IQSEC1: variants seen among roughly 807,000 people sequenced by gnomAD.
IQSEC1 encodes IQ motif and SEC7 domain-containing protein 1.
IQSEC1 carries 31 observed loss-of-function variants against 91.0 expected under a neutral mutation model. That is an observed-to-expected ratio of 0.34 (90% CI 0.26 to 0.46). IQSEC1 has a LOEUF of 0.46. Ranked by LOEUF, IQSEC1 falls within the 20% of genes least tolerant of loss-of-function variation. The pLI is 1.00. For missense variants in IQSEC1, 1,388 were observed against 1,575.6 expected (o/e 0.88, Z 2.02); for synonymous variants, 699 against 662.6 (o/e 1.05, Z -0.84).
At chr3:13,247,648 G>A (rs943092950) in intron 1 of IQSEC1, among the ~76,000 whole-genome samples, 2 of 152,312 alleles carry the variant, frequency 1.3e-5, no homozygotes, top group Admixed American at 6.5e-5. Flanking sequence ...ATCACTTACA[G>A]TCTCGATGCC....
At chr3:13,039,327 A>G (rs1013527082) in intron 1 of IQSEC1, among the ~76,000 whole-genome samples, 68 of 152,326 alleles carry the variant, frequency 4.5e-4, no homozygotes, top group African/African-American at 1.6e-3. Context: ...CTCCAGGATT[A>G]TTTTACATTA....
chr3:13,124,990 C>T (rs1358685266), intron 2 of IQSEC1, among the ~76,000 whole-genome samples: 1 of 152,178 alleles, frequency 6.6e-6, no homozygotes, highest in African/African-American at 2.4e-5. Flanking sequence ...TAAGGGATCT[C>T]CATCCTCCTT....
chr3:13,192,719 T>C (rs1694058246), intron 1 of IQSEC1, among the ~76,000 whole-genome samples: 1 of 152,242 alleles, frequency 6.6e-6, no homozygotes, highest in Non-Finnish European at 1.5e-5. Context: ...ACCCACTTTG[T>C]TATGGAGGCC....
intron 1 of IQSEC1, among the ~76,000 whole-genome samples, chr3:13,064,848 T>G (rs2125097045): frequency 6.6e-6 from 1 of 152,384 alleles, no homozygotes; most frequent in South Asian, 2.1e-4. Flanking sequence ...AGGCTGGCCC[T>G]GCTCCCACAT....
intron 2 of IQSEC1, among the ~76,000 whole-genome samples, chr3:13,119,923 G>A (rs1706396677): frequency 6.6e-6 from 1 of 152,198 alleles, no homozygotes; most frequent in African/African-American, 2.4e-5. Flanking sequence ...ACTCAGCCCT[G>A]GGCAATCTCT....
intron 1 of IQSEC1, among the ~76,000 whole-genome samples, chr3:13,220,663 C>T (rs1441825372): frequency 1.3e-5 from 2 of 152,256 alleles, no homozygotes; most frequent in Non-Finnish European, 2.9e-5. Context: ...TATGCATGGT[C>T]TCAGGAGTCA....
intron 2 of IQSEC1, among the ~76,000 whole-genome samples, chr3:13,154,033 G>A (rs1462968160): frequency 2.0e-5 from 3 of 152,092 alleles, no homozygotes; most frequent in South Asian, 2.1e-4. Context: ...GATGAAAATC[G>A]AGGACGGATT....
chr3:13,089,980 C>T (rs899732897), intron 2 of IQSEC1, among the ~76,000 whole-genome samples: 9 of 152,188 alleles, frequency 5.9e-5, no homozygotes, highest in Non-Finnish European at 1.0e-4. Context: ...CTTTGGGAGG[C>T]CAAGGCGGGT....
Position 12,920,530 on chromosome 3 carries a change from G to C in IQSEC1, c.1920C>G (p.Ile640Met). The C allele has an allele frequency of 6.2e-7, 1 of 1,614,210 alleles. No homozygotes were observed. Among genetic ancestry groups the C allele is most frequent in the Non-Finnish European group, 8.5e-7 (1 of 1,180,026 alleles). The change falls in exon 6 of 14, where the codon ATC becomes ATG. Residue 640 changes from isoleucine (I) to methionine (M), a missense_variant. Physicochemically the swap from Ile to Met is conservative, Grantham distance 10. Around this residue, in one of 2 missense-constraint regions of IQSEC1, gnomAD observed 1,059 missense variants for 1,317.8 expected, o/e 0.80. Transcript: ENST00000613206. ...TCAGCAGGATGATGGCGAAGGCCAG[G>C]ATGAAAATGGTGTCTGGGTTCCGGA... ...RQFRNPDTIF[I>M]LAFAIILLNT... is the part of the protein sequence containing the mutation.
intron 1 of IQSEC1, among the ~76,000 whole-genome samples, chr3:13,246,176 C>T (rs923103524): frequency 5.9e-5 from 9 of 152,204 alleles, no homozygotes; most frequent in Non-Finnish European, 1.3e-4. Context: ...ACTATTAGCC[C>T]TACAAAGGAA....
At chr3:13,142,429 A>G (rs1315041731) in intron 2 of IQSEC1, among the ~76,000 whole-genome samples, 5 of 152,178 alleles carry the variant, frequency 3.3e-5, no homozygotes, top group Non-Finnish European at 7.4e-5. Context: ...CTGAAACTCC[A>G]GACAGGTGAT....
intron 1 of IQSEC1, among the ~76,000 whole-genome samples, chr3:13,241,027 G>T (rs769388471): frequency 6.6e-6 from 1 of 152,190 alleles, no homozygotes; most frequent in Non-Finnish European, 1.5e-5. Context: ...CCCACCGTGT[G>T]ATCACGTCTC....
chr3:12,940,668 G>A lies in IQSEC1; in HGVS notation c.318+903C>T, dbSNP rs1411397966. 6.6e-6 allele frequency among the ~76,000 whole-genome samples: 1 copy of A among 152,112 alleles called. No individual in the cohort carries two copies. The highest frequency in any genetic ancestry group is 1.5e-5 in the Non-Finnish European group (1 of 67,998). On this transcript the variant is annotated intron_variant, in intron 2 of 13. Coordinates refer to ENST00000613206, the MANE Select transcript of IQSEC1 (RefSeq NM_001134382.3). This position sits in a 1 kb window ranked among gnomAD's most constrained non-coding sequence, Gnocchi z 4.4. Reference sequence around the variant, plus strand: ...AGCCCTCCCCAGCCTGCCCCTGCAAGCTTGCAGAACTGCTGCCTGGGAGCC... The same window carrying A: ...AGCCCTCCCCAGCCTGCCCCTGCAAACTTGCAGAACTGCTGCCTGGGAGCC...
chr3:13,025,207 C>T (rs553194250), intron 1 of IQSEC1, among the ~76,000 whole-genome samples: 20 of 152,330 alleles, frequency 1.3e-4, no homozygotes, highest in Admixed American at 2.6e-4. Context: ...GGCAGGTCTG[C>T]GTGGAAGCCT....
At chr3:13,075,712 C>A (rs1014766368), upstream of IQSEC1, among the ~76,000 whole-genome samples, 2 of 152,228 alleles carry the variant, frequency 1.3e-5, no homozygotes, top group African/African-American at 4.8e-5. Context: ...TACAAAACAT[C>A]ATTTACAGGG....
chr3:13,144,497 C>T (rs1466316535), intron 2 of IQSEC1, among the ~76,000 whole-genome samples: 1 of 152,218 alleles, frequency 6.6e-6, no homozygotes, highest in Non-Finnish European at 1.5e-5. Flanking sequence ...CTCGGCATGG[C>T]ATCAACAGTC....
At chr3:13,054,990 C>T (rs925469749) in intron 1 of IQSEC1, among the ~76,000 whole-genome samples, 18 of 152,252 alleles carry the variant, frequency 1.2e-4, no homozygotes, top group Admixed American at 3.3e-4. Context: ...GGCTGACGCC[C>T]GCCTGTCCTG....
intron 1 of IQSEC1, among the ~76,000 whole-genome samples, chr3:12,997,515 T>C (rs990269874): frequency 6.6e-5 from 10 of 152,250 alleles, no homozygotes; most frequent in African/African-American, 1.9e-4. Context: ...ATGATGGGGA[T>C]ACATTCTGAG....
intron 1 of IQSEC1, among the ~76,000 whole-genome samples, chr3:13,011,003 C>CT: frequency 6.6e-6 from 1 of 152,356 alleles, no homozygotes; most frequent in South Asian, 2.1e-4. Context: ...CTCCACCACT[C>CT]TGAGTGTCAG....
Sources: gnomAD v4.1 joint callset for allele counts (sites outside exome capture counted in the v4.1 genomes callset) on GRCh38, gnomAD v4.1.1 for gene constraint, gnomAD v4.1.1 regional missense constraint, Gnocchi (gnomAD v3.1) non-coding constraint, MANE v1.5 for transcripts, NCBI Gene and HGNC (gene_info 2026-07-23, HGNC 2026-07-21) for gene names.